The following SAMD8 variants were observed in gnomAD, a reference collection of about 807,000 sequenced individuals.
SAMD8 encodes sterile alpha motif domain containing 8.
A neutral mutation model predicts 42.0 loss-of-function variants in SAMD8; 20 were observed. That is an observed-to-expected ratio of 0.48 (90% CI 0.34 to 0.69). The LOEUF is 0.69. Ranked by LOEUF, SAMD8 falls within the 30% of genes least tolerant of loss-of-function variation. The pLI, the probability that SAMD8 is intolerant of heterozygous loss-of-function variation, is 0.01. For synonymous variants in SAMD8, 162 were observed against 173.0 expected (o/e 0.94, Z 0.50); for missense variants, 328 against 511.6 (o/e 0.64, Z 3.46).
At chr10:75,136,302 T>C (rs1839884754) in intron 1 of SAMD8, among the ~76,000 whole-genome samples, 1 of 152,182 alleles carries the variant, frequency 6.6e-6, no homozygotes, top group African/African-American at 2.4e-5. Flanking sequence ...GAAAAAATAA[T>C]TGAATAGCTT....
At chr10:75,115,940 C>CAA (rs35416435) in intron 1 of SAMD8, among the ~76,000 whole-genome samples, 25 of 68,810 alleles carry the variant, frequency 3.6e-4, no homozygotes, top group African/African-American at 2.6e-4. Flanking sequence ...GACTCCGTCT[C>CAA]AAAAAAAAAA....
chr10:75,139,087 A>C (rs752416441), intron 1 of SAMD8, among the ~76,000 whole-genome samples: 2 of 150,800 alleles, frequency 1.3e-5, no homozygotes, highest in South Asian at 4.2e-4. Flanking sequence ...CAGCCTCCTG[A>C]GTAGCTGGAA....
intron 1 of SAMD8, among the ~76,000 whole-genome samples, chr10:75,145,680 T>G (rs1263327388): frequency 6.6e-6 from 1 of 152,184 alleles, no homozygotes; most frequent in African/African-American, 2.4e-5. Context: ...GAGGGGATAG[T>G]CCTGTGCATT....
chr10:75,107,190 C>G (rs535602296), upstream of SAMD8, among the ~76,000 whole-genome samples: 4 of 151,988 alleles, frequency 2.6e-5, no homozygotes, highest in Non-Finnish European at 5.9e-5. Context: ...CAAAAATTAG[C>G]CGGGTATGGT....
intron 1 of SAMD8, among the ~76,000 whole-genome samples, chr10:75,105,377 T>A (rs1358120212): frequency 1.3e-5 from 2 of 152,128 alleles, no homozygotes; most frequent in Non-Finnish European, 2.9e-5. Context: ...CGCATCCTAG[T>A]CCTTCTCTTC....
chr10:75,119,925 GGGCGTGGT>G (rs1223652513), intron 1 of SAMD8, among the ~76,000 whole-genome samples: 3 of 152,208 alleles, frequency 2.0e-5, no homozygotes, highest in East Asian at 1.9e-4. Flanking sequence ...AAAATTAGCT[GGGCGTGGT>G]GGCGCGCATC....
At position 75,135,453 on chromosome 10, in the gene SAMD8, CAA is replaced by C. The variant is rs151099768; in HGVS notation, c.-15-15046_-15-15045del. On this transcript the variant is annotated intron_variant, in intron 1 of 5. Transcript: ENST00000542569. ...GGGCAACAAGAGCGAAATTCCATCT[CAA>C]AAAAAAAAAAAAAATTACACTGTAC... Among the ~76,000 whole-genome samples the C allele has an allele frequency of 2.7e-3, 319 of 117,340 alleles. 1 individual carries two copies. The highest frequency in any genetic ancestry group is 6.8e-3 in the African/African-American group (231 of 33,732). The allele number at this position is 117,340 out of a possible 152,430, so 77.0% of individuals were successfully genotyped here.
intron 1 of SAMD8, among the ~76,000 whole-genome samples, chr10:75,119,516 G>A (rs1848957664): frequency 6.6e-6 from 1 of 152,164 alleles, no homozygotes; most frequent in Non-Finnish European, 1.5e-5. Context: ...TCCTTTAGGG[G>A]CATTTGAATG....
At chr10:75,135,607 C>T (rs1454538364) in intron 1 of SAMD8, among the ~76,000 whole-genome samples, 3 of 151,838 alleles carry the variant, frequency 2.0e-5, no homozygotes, top group East Asian at 1.9e-4. Context: ...GGGTGGATCA[C>T]GAGGTCAGGA....
chr10:75,166,836 G>A lies in SAMD8; in HGVS notation c.675-1705G>A, dbSNP rs12258596. On this transcript the variant is annotated intron_variant, in intron 3 of 5. Transcript: ENST00000542569. ...GTTTAACAAAGCATAGAGGTAACCC[G>A]TTAAATCCAAGTGTTAATGTTTACT... Among the ~76,000 whole-genome samples the A allele has an allele frequency of 4.7e-3, 721 of 152,276 alleles. 7 individuals carry two copies. The highest frequency in any genetic ancestry group is 0.017 in the African/African-American group (686 of 41,540).
intron 1 of SAMD8, among the ~76,000 whole-genome samples, chr10:75,122,814 G>A (rs1849035526): frequency 6.6e-6 from 1 of 151,968 alleles, no homozygotes; most frequent in Non-Finnish European, 1.5e-5. Flanking sequence ...TATTATAAAT[G>A]GGTATTTGCG....
At chr10:75,145,913 T>C (rs930442817) in intron 1 of SAMD8, among the ~76,000 whole-genome samples, 2 of 152,180 alleles carry the variant, frequency 1.3e-5, no homozygotes, top group African/African-American at 4.8e-5. Context: ...GTACTTTTCT[T>C]GGCCTCATGT....
At chr10:75,171,160 CTTTTTTTTTT>C (rs1003923090) in intron 4 of SAMD8, among the ~76,000 whole-genome samples, 1,064 of 68,570 alleles carry the variant, frequency 0.016, 33 homozygotes, top group African/African-American at 0.057. Context: ...CTTTCTTTTT[CTTTTTTTTTT>C]TTTTTTTTTT....
intron 2 of SAMD8, chr10:75,164,386 CTT>C (rs201084641): frequency 3.8e-3 from 1,027 of 267,864 alleles, no homozygotes; most frequent in Middle Eastern, 5.7e-3. Context: ...GTTGCCACTT[CTT>C]TTTTTTTTTT....
intron 1 of SAMD8, among the ~76,000 whole-genome samples, chr10:75,137,016 T>C (rs180788688): frequency 3.5e-4 from 54 of 152,304 alleles, no homozygotes; most frequent in African/African-American, 1.3e-3. Flanking sequence ...GAAAATGATA[T>C]GGTGACTCCT....
upstream of SAMD8, chr10:75,108,273 C>A: frequency 6.5e-7 from 1 of 1,526,922 alleles, no homozygotes; most frequent in South Asian, 1.3e-5. Flanking sequence ...GAGGCTGTGC[C>A]TGGCCCCCTG....
At chr10:75,103,974 C>T in intron 1 of SAMD8, 1 of 1,339,346 alleles carries the variant, frequency 7.5e-7, no homozygotes. Flanking sequence ...CTAGGGCCGA[C>T]CCCACGCTGG....
At chr10:75,134,689 A>G (rs918917601) in intron 1 of SAMD8, among the ~76,000 whole-genome samples, 7 of 152,140 alleles carry the variant, frequency 4.6e-5, no homozygotes, top group Admixed American at 6.5e-5. Flanking sequence ...TCTGTTGTAC[A>G]GTAGGGTGAC....
At chr10:75,106,200 C>T (rs1001871595) in intron 1 of SAMD8, among the ~76,000 whole-genome samples, 1 of 151,314 alleles carries the variant, frequency 6.6e-6, no homozygotes, top group African/African-American at 2.4e-5. Context: ...CCTTGGCCTC[C>T]CAAAGTGTTG....
Sources: gnomAD v4.1 joint callset for allele counts (sites outside exome capture counted in the v4.1 genomes callset) on GRCh38, gnomAD v4.1.1 for gene constraint, MANE v1.5 for transcripts, NCBI Gene and HGNC (gene_info 2026-07-23, HGNC 2026-07-21) for gene names.